RNF180: variants seen among roughly 807,000 people sequenced by gnomAD.
The protein encoded by RNF180 is E3 ubiquitin-protein ligase RNF180.
A neutral mutation model predicts 59.2 loss-of-function variants in RNF180; 38 were observed. The observed-to-expected ratio is 0.64, with a 90% CI of 0.50 to 0.84. The LOEUF is 0.84. Among genes scored for constraint, RNF180 ranks in the 40% least tolerant of loss-of-function variants. The probability of loss-of-function intolerance (pLI) is 0.00; values close to 1 mark genes in which losing one functional copy is unlikely to be tolerated. For missense variants in RNF180, 705 were observed against 700.9 expected (o/e 1.01, Z -0.07); for synonymous variants, 262 against 240.3 (o/e 1.09, Z -0.84).
At chr5:64,293,553 A>G (rs749615333) in intron 5 of RNF180, among the ~76,000 whole-genome samples, 12 of 152,124 alleles carry the variant, frequency 7.9e-5, no homozygotes, top group Non-Finnish European at 1.8e-4. Context: ...CATTAAATAT[A>G]TTATTCTGAG....
At chr5:64,364,514 G>C (rs953044996) in intron 7 of RNF180, among the ~76,000 whole-genome samples, 1 of 151,702 alleles carries the variant, frequency 6.6e-6, no homozygotes, top group Non-Finnish European at 1.5e-5. Flanking sequence ...GTTTGTCAAG[G>C]ACATTGGCCT....
At chr5:64,319,314 A>T (rs990596802) in intron 5 of RNF180, among the ~76,000 whole-genome samples, 1 of 152,304 alleles carries the variant, frequency 6.6e-6, no homozygotes, top group African/African-American at 2.4e-5. Context: ...TATTTCATTT[A>T]AAAAAATAAT....
chr5:64,169,887 G>A lies in RNF180; in HGVS notation c.-1+3934G>A, dbSNP rs75380650. Among the ~76,000 whole-genome samples, 775 of 152,294 alleles carry A rather than the reference G, an allele frequency of 5.1e-3. 5 individuals carry two copies. Among genetic ancestry groups the A allele is most frequent in the Middle Eastern group, 0.037 (11 of 294 alleles). ...ATAAATTCTAATCATTACTTCATTT[G>A]TATTACTCTAAGCCATAGGAAAAGG... is the stretch of plus-strand genomic sequence containing the variant. On this transcript the variant is annotated intron_variant, in intron 1 of 7. Coordinates refer to ENST00000389100, the MANE Select transcript of RNF180 (RefSeq NM_001113561.2).
chr5:64,255,862 T>C (rs1204593505), intron 5 of RNF180, among the ~76,000 whole-genome samples: 1 of 152,194 alleles, frequency 6.6e-6, no homozygotes, highest in Non-Finnish European at 1.5e-5. Context: ...CCAGCACCTA[T>C]TGTTTCCTGA....
chr5:64,169,812 G>A (rs1367501359), intron 1 of RNF180, among the ~76,000 whole-genome samples: 2 of 152,192 alleles, frequency 1.3e-5, no homozygotes, highest in African/African-American at 2.4e-5. Context: ...AAGAAGTCTT[G>A]TGCAGCTATA....
At chr5:64,169,115 T>C (rs867235789) in intron 1 of RNF180, among the ~76,000 whole-genome samples, 31 of 152,182 alleles carry the variant, frequency 2.0e-4, no homozygotes, top group African/African-American at 6.8e-4. Flanking sequence ...GAAAAACTAG[T>C]TTGGTCTTTG....
At position 64,317,728 on chromosome 5, in the gene RNF180, C is replaced by CTA. The variant is rs149010624; in HGVS notation, c.1228-7446_1228-7445dup. On this transcript the variant is annotated intron_variant, in intron 5 of 7. Coordinates refer to ENST00000389100, the MANE Select transcript of RNF180 (RefSeq NM_001113561.2). ...CTGAAGCAGCAGGTAGTACCAAACC[C>CTA]TATATATATATATGTTTACACACAT... Among the ~76,000 whole-genome samples the CTA allele has an allele frequency of 4.2e-3, 633 of 150,598 alleles. 3 individuals are homozygous for CTA. Among genetic ancestry groups the CTA allele is most frequent in the African/African-American group, 0.013 (525 of 41,074 alleles).
In RNF180 at chr5:64,291,758, T is replaced by G. The variant is rs146691035; in HGVS notation, c.1228-33428T>G. 2.6e-5 allele frequency among the ~76,000 whole-genome samples: 4 copies of G among 152,246 alleles called. No homozygotes were observed. The East Asian group carries it at 7.7e-4, about 29-fold the overall frequency. On this transcript the variant is annotated intron_variant, in intron 5 of 7. Coordinates refer to ENST00000389100, the MANE Select transcript of RNF180 (RefSeq NM_001113561.2). The stretch of plus-strand genomic sequence containing the variant: ...TATGTTTTCTAATATGGTTCCATTC[T>G]CCTTGTCTCTTTCAGGTACCCAAAT...
chr5:64,270,212 T>TA (rs11417542), intron 5 of RNF180, among the ~76,000 whole-genome samples: 7,513 of 152,238 alleles, frequency 0.049, 618 homozygotes, highest in African/African-American at 0.17. Flanking sequence ...CCGTAATTGA[T>TA]AACTAGCGCC....
chr5:64,349,976 T>C (rs1745727510), intron 7 of RNF180, among the ~76,000 whole-genome samples: 2 of 152,154 alleles, frequency 1.3e-5, no homozygotes, highest in East Asian at 1.9e-4. Context: ...TTCTAGATCC[T>C]TGAGGAATCA....
At chr5:64,357,469 C>A (rs116384957) in intron 7 of RNF180, among the ~76,000 whole-genome samples, 1 of 151,756 alleles carries the variant, frequency 6.6e-6, no homozygotes. Flanking sequence ...TCTGAATTAG[C>A]CTCTAAAGAA....
chr5:64,220,227 T>A (rs1482411201), intron 5 of RNF180, among the ~76,000 whole-genome samples: 1 of 151,994 alleles, frequency 6.6e-6, no homozygotes, highest in Non-Finnish European at 1.5e-5. Flanking sequence ...TCAAAATTTG[T>A]TTATATGTAA....
chr5:64,237,648 C>T (rs1483433873), intron 5 of RNF180, among the ~76,000 whole-genome samples: 7 of 152,064 alleles, frequency 4.6e-5, no homozygotes, highest in Admixed American at 3.3e-4. Context: ...ATGGTTTGGC[C>T]GTGTGTCCCC....
chr5:64,196,823 A>G (rs559016190), intron 1 of RNF180, among the ~76,000 whole-genome samples: 1 of 152,184 alleles, frequency 6.6e-6, no homozygotes, highest in South Asian at 2.1e-4. Context: ...ACTACAGTTT[A>G]TAGGTTATAA....
chr5:64,185,802 G>A (rs566807317), intron 1 of RNF180, among the ~76,000 whole-genome samples: 3 of 152,294 alleles, frequency 2.0e-5, no homozygotes, highest in South Asian at 2.1e-4. Context: ...AGAATCAGAT[G>A]TACTCATTAG....
intron 5 of RNF180, among the ~76,000 whole-genome samples, chr5:64,221,042 A>G (rs1254948122): frequency 1.3e-5 from 2 of 152,090 alleles, no homozygotes; most frequent in Non-Finnish European, 2.9e-5. Context: ...TTTCATTTTC[A>G]TGGATCTGCA....
chr5:64,365,631 CTCT>C (rs1746417497), intron 7 of RNF180, among the ~76,000 whole-genome samples: 4 of 151,782 alleles, frequency 2.6e-5, no homozygotes, highest in African/African-American at 7.2e-5. Flanking sequence ...CTTTGAAGGT[CTCT>C]AAGAGCTTGC....
At chr5:64,198,867 G>A (rs1180068121) in intron 1 of RNF180, among the ~76,000 whole-genome samples, 2 of 151,714 alleles carry the variant, frequency 1.3e-5, no homozygotes, top group Non-Finnish European at 2.9e-5. Flanking sequence ...CCAGGCTGGA[G>A]TGCAGTGGCA....
intron 5 of RNF180, among the ~76,000 whole-genome samples, chr5:64,274,395 A>T (rs1403420594): frequency 6.6e-6 from 1 of 151,572 alleles, no homozygotes; most frequent in African/African-American, 2.4e-5. Context: ...TTCAAAAGTG[A>T]ATTCTTCTGG....
Sources: gnomAD v4.1 joint callset for allele counts (sites outside exome capture counted in the v4.1 genomes callset) on GRCh38, gnomAD v4.1.1 for gene constraint, MANE v1.5 for transcripts, NCBI Gene and HGNC (gene_info 2026-07-23, HGNC 2026-07-21) for gene names.